Variants in MTDH observed in about 807,000 individuals in gnomAD.
MTDH encodes the protein metadherin, also known as protein LYRIC.
In MTDH, 34 loss-of-function variants were observed where a neutral mutation model predicts 72.7. That is an observed-to-expected ratio of 0.47 (90% CI 0.36 to 0.62). The LOEUF (loss-of-function observed/expected upper bound fraction) is 0.62. Among genes scored for constraint, MTDH ranks in the 20% least tolerant of loss-of-function variants. The pLI, the probability that MTDH is intolerant of heterozygous loss-of-function variation, is 0.00. For synonymous variants in MTDH, 266 were observed against 268.9 expected (o/e 0.99, Z 0.10); for missense variants, 677 against 699.4 (o/e 0.97, Z 0.36).
intron 2 of MTDH, among the ~76,000 whole-genome samples, chr8:97,665,898 G>A (rs942811849): frequency 5.3e-5 from 8 of 152,112 alleles, no homozygotes; most frequent in African/African-American, 9.7e-5. Flanking sequence ...AGGCAGAGGC[G>A]GGCGGATTAC....
chr8:97,694,151 A>G (rs897909138), intron 6 of MTDH, among the ~76,000 whole-genome samples: 3 of 151,884 alleles, frequency 2.0e-5, no homozygotes, highest in Non-Finnish European at 2.9e-5. Context: ...TAGTTTTAGT[A>G]TGTAAGTAGA....
At chr8:97,694,964 A>G (rs943444635) in intron 6 of MTDH, among the ~76,000 whole-genome samples, 1 of 152,006 alleles carries the variant, frequency 6.6e-6, no homozygotes, top group African/African-American at 2.4e-5. Context: ...TCCCACTCTC[A>G]TTTTTAGCAG....
chr8:97,707,482 GTCCTCAAAC>G (rs111578959), intron 8 of MTDH, among the ~76,000 whole-genome samples: 4,438 of 120,860 alleles, frequency 0.037, 283 homozygotes, highest in African/African-American at 0.14. Context: ...TTGAGATGGT[GTCCTCAAAC>G]TCCTGGCCTC....
At chr8:97,686,156 C>T (rs72671528) in intron 2 of MTDH, among the ~76,000 whole-genome samples, 6,688 of 152,234 alleles carry the variant, frequency 0.044, 205 homozygotes, top group Non-Finnish European at 0.066. Context: ...TTTATGCAAT[C>T]CAAAAACTGA....
rs1428719988 is a variant in MTDH at position 97,726,875 on chromosome 8, C to T, written c.*2205C>T. 1 of 151,626 alleles carries T rather than the reference C, an allele frequency of 6.6e-6. No homozygotes were observed. Among genetic ancestry groups the T allele is most frequent in the Admixed American group, 6.6e-5 (1 of 15,170 alleles). The allele number at this position is 151,626 out of a possible 1,614,324, so 9.4% of individuals were successfully genotyped here. On this transcript the variant is annotated 3_prime_UTR_variant, in exon 12 of 12. Transcript: ENST00000336273. Reference sequence around the variant, plus strand: ...GGATCACGAGGTCAGGAGTTCAAGACCAGCCTGGCCAAGAGGGTGAAACCC... The same window carrying T: ...GGATCACGAGGTCAGGAGTTCAAGATCAGCCTGGCCAAGAGGGTGAAACCC...
intron 2 of MTDH, among the ~76,000 whole-genome samples, chr8:97,668,238 A>G (rs886639191): frequency 2.0e-5 from 3 of 152,100 alleles, no homozygotes; most frequent in African/African-American, 7.2e-5. Flanking sequence ...AGTGAGCCCA[A>G]ATCGCATCAC....
In MTDH at chr8:97,729,858, C is replaced by T. The variant is rs1322647473; in HGVS notation, c.*5188C>T. ...CTGCTTTAAATTCTAGAGACAGAGG[C>T]TGAGAGAAACTTAGTAGCCTGCCTG... On this transcript the variant is annotated 3_prime_UTR_variant, in exon 12 of 12. Transcript: ENST00000336273. Among the ~76,000 whole-genome samples the T allele has an allele frequency of 6.6e-6, 1 of 152,086 alleles. No individual in the cohort carries two copies. The highest frequency in any genetic ancestry group is 1.5e-5 in the Non-Finnish European group (1 of 68,014).
chr8:97,670,502 T>C (rs953826606), intron 2 of MTDH, among the ~76,000 whole-genome samples: 1 of 152,064 alleles, frequency 6.6e-6, no homozygotes, highest in African/African-American at 2.4e-5. Context: ...TGTGCCCGTA[T>C]AATCCCAGCC....
Position 97,699,836 on chromosome 8 carries a change from T to C in MTDH, c.1131T>C (p.Asp377=). The C allele has an allele frequency of 6.2e-7, 1 of 1,610,820 alleles. No individual in the cohort carries two copies. Among genetic ancestry groups the C allele is most frequent in the East Asian group, 2.2e-5 (1 of 44,742 alleles). ...DVSRNQPYID[D]EWSGLNGLSS... ...GCCGTAATCAACCCTATATCGATGA[T>C]GAATGGTCTGGGTTAAGTATGTCCT... Residue 377 remains aspartate, a synonymous_variant, in exon 7 of 12, where the codon GAT becomes GAC. Transcript: ENST00000336273.
rs185216967 is a variant in MTDH, at chr8:97,650,148, G to A, written c.381+5261G>A. 6.3e-3 allele frequency among the ~76,000 whole-genome samples: 916 copies of A among 144,410 alleles called. 6 individuals carry two copies. The highest frequency in any genetic ancestry group is 0.021 in the African/African-American group (832 of 38,902). The allele number at this position is 144,410 out of a possible 152,430, so 94.7% of individuals were successfully genotyped here. A position where few individuals can be genotyped will look rare whatever the true frequency, so the allele number is the denominator to read the frequency against. ...ATTTTTTGTATTTTTAGTGGAGATG[G>A]GGTTTCACCGTGTTAGCCAGGATGG... On this transcript the variant is annotated intron_variant, in intron 1 of 11. Coordinates refer to ENST00000336273, the MANE Select transcript of MTDH (RefSeq NM_178812.4).
chr8:97,722,377 G>A (rs532464344), intron 10 of MTDH, among the ~76,000 whole-genome samples: 18 of 152,240 alleles, frequency 1.2e-4, no homozygotes, highest in African/African-American at 3.4e-4. Context: ...TGAGGCAGGC[G>A]GATCACGAAG....
chr8:97,696,390 C>T, intron 6 of MTDH: 9 of 454,032 alleles, frequency 2.0e-5, no homozygotes, highest in Non-Finnish European at 2.0e-5. Flanking sequence ...GTACTGCTAT[C>T]AATATAAATA....
rs897686417 is a variant in MTDH at position 97,644,564 on chromosome 8, C to T, written c.58C>T (p.Arg20Trp). ...LAQQAEEGSA[R>W]LREMLSVGLG... ...CCAGCAGGCCGAGGAGGGCTCGGCCCGGCTGCGGGAAATGCTCTCGGTCGG... is the reference window on the plus strand; with the variant it reads ...CCAGCAGGCCGAGGAGGGCTCGGCCTGGCTGCGGGAAATGCTCTCGGTCGG... Residue 20 changes from arginine to tryptophan, a missense_variant, in exon 1 of 12, where the codon CGG (arginine) becomes TGG (tryptophan). By Grantham distance (101) the Arg-to-Trp change is moderately radical. This residue lies in a region of MTDH where 467 missense variants were observed against 469.1 expected (regional missense o/e 1.00). Transcript: ENST00000336273. The T allele has an allele frequency of 2.5e-6, 4 of 1,604,240 alleles. No individual in the cohort carries two copies. The highest frequency in any genetic ancestry group is 1.8e-4 in the Middle Eastern group (1 of 5,638).
At chr8:97,685,814 A>G (rs1813338508) in intron 2 of MTDH, among the ~76,000 whole-genome samples, 1 of 152,194 alleles carries the variant, frequency 6.6e-6, no homozygotes, top group Admixed American at 6.5e-5. Flanking sequence ...ATCTCAATAA[A>G]TAGCTAAATA....
chr8:97,675,872 C>CA lies in MTDH; in HGVS notation c.484-10786dup, dbSNP rs111835525. ...GGGTAGCAGAGCCAGACCCTGTCTA[C>CA]AAAAAAAAAAGAATTTACATTTAGA... On this transcript the variant is annotated intron_variant, in intron 2 of 11. Transcript: ENST00000336273. 5.4e-4 allele frequency among the ~76,000 whole-genome samples: 72 copies of CA among 134,564 alleles called. 1 individual carries two copies. The highest frequency in any genetic ancestry group is 9.7e-4 in the African/African-American group (36 of 37,044). The allele number at this position is 134,564 out of a possible 152,430, so 88.3% of individuals were successfully genotyped here.
chr8:97,718,849 A>C (rs1352044234), intron 9 of MTDH, among the ~76,000 whole-genome samples, 200 bp from the exon 10 acceptor site: 4 of 149,080 alleles, frequency 2.7e-5, no homozygotes, highest in Non-Finnish European at 4.5e-5. Context: ...TGTATACACC[A>C]CCACATGTGA....
At chr8:97,711,965 A>T (rs1814656867) in intron 8 of MTDH, among the ~76,000 whole-genome samples, 1 of 152,234 alleles carries the variant, frequency 6.6e-6, no homozygotes, top group African/African-American at 2.4e-5. Context: ...TGCAATCAAG[A>T]TACAGAACAT....
chr8:97,651,750 C>T (rs1811780928), intron 1 of MTDH, among the ~76,000 whole-genome samples: 1 of 152,180 alleles, frequency 6.6e-6, no homozygotes. Flanking sequence ...CTCATGTCTA[C>T]ATGTATGCTT....
chr8:97,706,544 T>C (rs1007363263), intron 7 of MTDH, 82 bp from the exon 8 acceptor site: 2 of 1,343,094 alleles, frequency 1.5e-6, no homozygotes, highest in African/African-American at 3.0e-5. Context: ...TACAGCTTAG[T>C]TGAACATAAG....
Sources: allele counts gnomAD v4.1 joint callset (sites outside exome capture counted in the v4.1 genomes callset), GRCh38; gene constraint gnomAD v4.1.1; regional missense constraint gnomAD v4.1.1; transcripts MANE v1.5; gene names NCBI Gene and HGNC (gene_info 2026-07-23, HGNC 2026-07-21).